The following SLC26A7 variants were observed in gnomAD, a reference collection of about 807,000 sequenced individuals.
The protein encoded by SLC26A7 is solute carrier family 26 member 7, also known as anion exchange transporter.
In SLC26A7, 59 loss-of-function variants were observed where a neutral mutation model predicts 82.5. The ratio of observed to expected loss-of-function variants is 0.72; its 90% CI spans 0.58 to 0.89. The LOEUF is 0.89. SLC26A7 is among the 40% of genes least tolerant of loss of function. The probability of loss-of-function intolerance (pLI) is 0.00; values close to 1 mark genes in which losing one functional copy is unlikely to be tolerated. For synonymous variants in SLC26A7, 271 were observed against 274.3 expected (o/e 0.99, Z 0.12); for missense variants, 820 against 793.0 (o/e 1.03, Z -0.41).
intron 11 of SLC26A7, among the ~76,000 whole-genome samples, chr8:91,360,150 T>C (rs1411220102): frequency 6.6e-6 from 1 of 152,132 alleles, no homozygotes; most frequent in Non-Finnish European, 1.5e-5. Flanking sequence ...TATATAAACA[T>C]TTAGTAATAG....
rs973891421 is a variant in SLC26A7, at chr8:91,397,730, A to G, written c.*2633A>G. The stretch of plus-strand genomic sequence containing the variant: ...GCAGTAATTTATTTGACAGATCTCT[A>G]TTCTATAAATGTGTAATGTGATGAA... On this transcript the variant is annotated 3_prime_UTR_variant, in exon 19 of 19. Coordinates refer to ENST00000276609, the MANE Select transcript of SLC26A7 (RefSeq NM_052832.4). 1 of 152,552 alleles carries G rather than the reference A, an allele frequency of 6.6e-6. No individual in the cohort carries two copies. Among genetic ancestry groups the G allele is most frequent in the African/African-American group, 2.4e-5 (1 of 41,454 alleles). 9.4% of individuals were successfully genotyped at this position (152,552 alleles called of 1,614,324 possible).
At chr8:91,225,563 T>A (rs1253160181) in intron 2 of SLC26A7, among the ~76,000 whole-genome samples, 10 of 143,172 alleles carry the variant, frequency 7.0e-5, no homozygotes, top group African/African-American at 2.5e-4. Flanking sequence ...TTATTATGAT[T>A]TTTTTTTTTT....
chr8:91,367,566 C>CT (rs555332958), intron 14 of SLC26A7, among the ~76,000 whole-genome samples: 160 of 126,460 alleles, frequency 1.3e-3, no homozygotes, highest in African/African-American at 5.1e-3. Flanking sequence ...GGAGTGTGGA[C>CT]TTTGAGGCCA....
intron 5 of SLC26A7, among the ~76,000 whole-genome samples, chr8:91,319,761 C>T (rs1310347381): frequency 1.3e-5 from 2 of 152,184 alleles, no homozygotes; most frequent in African/African-American, 4.8e-5. Flanking sequence ...GCCTGGCCTG[C>T]TTGTCGGCAC....
intron 15 of SLC26A7, among the ~76,000 whole-genome samples, chr8:91,375,639 T>A (rs2130887441): frequency 6.6e-6 from 1 of 151,724 alleles, no homozygotes; most frequent in Admixed American, 6.6e-5. Context: ...TTTAGCCCTT[T>A]TCTCTAGCTG....
At chr8:91,317,771 T>G (rs1812678680) in intron 4 of SLC26A7, among the ~76,000 whole-genome samples, 1 of 152,056 alleles carries the variant, frequency 6.6e-6, no homozygotes, top group Non-Finnish European at 1.5e-5. Flanking sequence ...TCAATTTTTC[T>G]TCCACATAGA....
At chr8:91,379,957 G>A (rs6471278) in intron 15 of SLC26A7, among the ~76,000 whole-genome samples, 148,097 of 152,144 alleles carry the variant, frequency 0.97, 72,209 homozygotes, top group East Asian at 1. Flanking sequence ...AAACAACTCA[G>A]TAGAAAAATA....
chr8:91,345,529 A>G (rs1360502402), intron 9 of SLC26A7, among the ~76,000 whole-genome samples: 1 of 152,214 alleles, frequency 6.6e-6, no homozygotes, highest in Admixed American at 6.5e-5. Flanking sequence ...AAAATGTTAA[A>G]AATGATCATT....
At chr8:91,342,738 G>A (rs1041401944) in intron 8 of SLC26A7, among the ~76,000 whole-genome samples, 11 of 152,238 alleles carry the variant, frequency 7.2e-5, no homozygotes, top group African/African-American at 2.7e-4. Flanking sequence ...CTGACATTCA[G>A]AAGAATGGTC....
At chr8:91,343,282 C>G in intron 8 of SLC26A7, 71 bp from the exon 9 acceptor site, 1 of 968,480 alleles carries the variant, frequency 1.0e-6, no homozygotes, top group Non-Finnish European at 1.6e-6. Flanking sequence ...CATTATGTGA[C>G]AAATTGTACC....
chr8:91,340,825 A>T (rs1292127566), intron 8 of SLC26A7, among the ~76,000 whole-genome samples: 1 of 152,170 alleles, frequency 6.6e-6, no homozygotes, highest in Non-Finnish European at 1.5e-5. Flanking sequence ...CAGATTTATT[A>T]TTGCATGCTA....
chr8:91,341,097 A>G (rs1813398445), intron 8 of SLC26A7, among the ~76,000 whole-genome samples: 1 of 151,632 alleles, frequency 6.6e-6, no homozygotes, highest in African/African-American at 2.4e-5. Flanking sequence ...CTAACTCGTC[A>G]TCTAGCGTTA....
intron 15 of SLC26A7, among the ~76,000 whole-genome samples, chr8:91,380,207 C>G (rs1257108053): frequency 6.6e-6 from 1 of 152,058 alleles, no homozygotes; most frequent in Non-Finnish European, 1.5e-5. Flanking sequence ...AGTATAAACT[C>G]TTACAAGTTG....
chr8:91,271,216 T>A lies in SLC26A7; in HGVS notation c.194-17920T>A, dbSNP rs1299399699. ...ATGCTCTCCAAACTTTCCTAATGTC[T>A]TTTATTCTGCTCTGATTTGTCGTTT... On this transcript the variant is annotated intron_variant, in intron 2 of 18. Coordinates refer to ENST00000276609, the MANE Select transcript of SLC26A7 (RefSeq NM_052832.4). 2.6e-5 allele frequency among the ~76,000 whole-genome samples: 4 copies of A among 152,226 alleles called. No individual in the cohort carries two copies. The South Asian group carries it at 6.2e-4, about 24-fold the overall frequency.
intron 5 of SLC26A7, among the ~76,000 whole-genome samples, chr8:91,332,377 T>C (rs1366004998): frequency 1.5e-5 from 2 of 129,120 alleles, no homozygotes; most frequent in Admixed American, 7.8e-5. Context: ...TAAAATTATA[T>C]AATAATTTAA....
intron 4 of SLC26A7, among the ~76,000 whole-genome samples, chr8:91,310,694 C>T (rs540299986): frequency 1.3e-5 from 2 of 152,222 alleles, no homozygotes; most frequent in Non-Finnish European, 2.9e-5. Flanking sequence ...AGGAATGCCT[C>T]AAGTGAGCAT....
chr8:91,347,105 T>C (rs1813583821), intron 9 of SLC26A7, among the ~76,000 whole-genome samples: 1 of 152,212 alleles, frequency 6.6e-6, no homozygotes, highest in African/African-American at 2.4e-5. Context: ...GGACCTGGCA[T>C]GTGGTAGGTG....
chr8:91,316,333 C>G (rs568405602), intron 4 of SLC26A7, among the ~76,000 whole-genome samples: 13 of 151,826 alleles, frequency 8.6e-5, no homozygotes, highest in African/African-American at 2.9e-4. Flanking sequence ...CCCAGGCTGG[C>G]CTGCAGTAGC....
At chr8:91,345,467 A>G (rs1313803276) in intron 9 of SLC26A7, among the ~76,000 whole-genome samples, 1 of 152,220 alleles carries the variant, frequency 6.6e-6, no homozygotes, top group Non-Finnish European at 1.5e-5. Context: ...TACAACAACT[A>G]AAGGAGTTAA....
Sources: gnomAD v4.1 joint callset for allele counts (sites outside exome capture counted in the v4.1 genomes callset) on GRCh38, gnomAD v4.1.1 for gene constraint, MANE v1.5 for transcripts, NCBI Gene and HGNC (gene_info 2026-07-23, HGNC 2026-07-21) for gene names.